AHCY: variants seen among roughly 807,000 people sequenced by gnomAD.
AHCY encodes the protein adenosylhomocysteinase.
A neutral mutation model predicts 45.4 loss-of-function variants in AHCY; 24 were observed. The observed-to-expected ratio is 0.53, with a 90% CI of 0.38 to 0.74. AHCY has a LOEUF of 0.74. AHCY is among the 30% of genes least tolerant of loss of function. The pLI, the probability that AHCY is intolerant of heterozygous loss-of-function variation, is 0.00. For missense variants in AHCY, 449 were observed against 594.1 expected (o/e 0.76, Z 2.54); for synonymous variants, 245 against 235.1 (o/e 1.04, Z -0.39).
At chr20:34,301,693 C>A in intron 1 of AHCY, 1 of 584,642 alleles carries the variant, frequency 1.7e-6, no homozygotes, top group Non-Finnish European at 2.2e-6. Flanking sequence ...TCCTGACCCA[C>A]TAATCTCTCC....
the AHCY span, among the ~76,000 whole-genome samples, chr20:34,242,680 G>A: frequency 0.015 from 2,314 of 152,356 alleles, 66 homozygotes; most frequent in African/African-American, 0.053. Flanking sequence ...TAGAACTAAT[G>A]CATACATATT....
chr20:34,290,883 C>T lies in AHCY; in HGVS notation c.614G>A (p.Arg205Gln), dbSNP rs780182879. The change falls in exon 6 of 10, where the codon CGG becomes CAG. Residue 205 changes from arginine to glutamine, a missense_variant. Transcript: ENST00000217426. The surrounding 1 kb of genome is among the most constrained non-coding windows in gnomAD (Gnocchi z 4.5). ...CRESLIDGIK[R>Q]ATDVMIAGKV... is the part of the protein sequence containing the mutation. Reference sequence around the variant, plus strand: ...GCCGGCAATCATCACATCTGTGGCCCGCTTGATGCCATCTATGAGGGACTC... The same window carrying T: ...GCCGGCAATCATCACATCTGTGGCCTGCTTGATGCCATCTATGAGGGACTC... The T allele has an allele frequency of 6.2e-7, 1 of 1,614,016 alleles. No homozygotes were observed. The highest frequency in any genetic ancestry group is 1.1e-5 in the South Asian group (1 of 91,076).
chr20:34,245,150 A>G, the AHCY span, among the ~76,000 whole-genome samples: 3 of 151,844 alleles, frequency 2.0e-5, no homozygotes, highest in East Asian at 3.9e-4. Flanking sequence ...CCTGGCAAAC[A>G]TGATGAAACC....
At chr20:34,251,855 T>C in the AHCY span, among the ~76,000 whole-genome samples, 10 of 152,042 alleles carry the variant, frequency 6.6e-5, no homozygotes, top group Admixed American at 6.5e-4. Context: ...TATGAAGAAA[T>C]AGGCCCTCAC....
At position 34,290,470 on chromosome 20, in the gene AHCY, G is replaced by A. The variant is rs200446112; in HGVS notation, c.855-21C>T. ...AGTGCCTGTCAGGCAGCCCAAGACC[G>A]TGGGAGATTGTCAGGGACAGAAAGC... On this transcript the variant is annotated intron_variant, in intron 7 of 9. Transcript: ENST00000217426. This position sits in a 1 kb window ranked among gnomAD's most constrained non-coding sequence, Gnocchi z 4.5. 125 of 1,613,594 alleles carry A rather than the reference G, an allele frequency of 7.7e-5. No homozygotes were observed. The Middle Eastern group carries it at 9.9e-4, about 13-fold the overall frequency.
intron 8 of AHCY, chr20:34,286,327 T>C (rs1211762894): frequency 2.6e-5 from 4 of 153,902 alleles, no homozygotes; most frequent in African/African-American, 4.8e-5. Flanking sequence ...TCAGTACTGC[T>C]GTCATCCCCA....
chr20:34,297,569 T>A (rs562094590), intron 1 of AHCY, among the ~76,000 whole-genome samples: 5 of 152,188 alleles, frequency 3.3e-5, no homozygotes, highest in Admixed American at 1.3e-4. Context: ...GTGCTGGGAT[T>A]ACAGGTGTGA....
chr20:34,302,926 G>A (rs2036829351), intron 1 of AHCY: 1 of 985,356 alleles, frequency 1.0e-6, no homozygotes, highest in Non-Finnish European at 1.2e-6. Flanking sequence ...GCAGGGTCCG[G>A]CAGGTGCCAG....
the AHCY span, among the ~76,000 whole-genome samples, chr20:34,247,342 C>T: frequency 6.7e-6 from 1 of 150,202 alleles, no homozygotes; most frequent in African/African-American, 2.5e-5. Flanking sequence ...CTTCTGTTGC[C>T]CAGGCTGGAG....
the AHCY span, among the ~76,000 whole-genome samples, chr20:34,271,329 A>G: frequency 6.6e-6 from 1 of 152,340 alleles, no homozygotes; most frequent in South Asian, 2.1e-4. Flanking sequence ...TCTAATGACC[A>G]GAACTGAAAC....
At chr20:34,235,704 A>G in the AHCY span, among the ~76,000 whole-genome samples, 1 of 149,730 alleles carries the variant, frequency 6.7e-6, no homozygotes, top group Non-Finnish European at 1.5e-5. Flanking sequence ...GGATTGCTAG[A>G]GCCCAGGAAG....
chr20:34,241,683 T>C, the AHCY span, among the ~76,000 whole-genome samples: 1 of 152,252 alleles, frequency 6.6e-6, no homozygotes, highest in African/African-American at 2.4e-5. Context: ...AACTAGTGGC[T>C]TCTTTCTCTT....
the AHCY span, among the ~76,000 whole-genome samples, chr20:34,266,776 G>A: frequency 2.6e-5 from 4 of 152,170 alleles, no homozygotes; most frequent in Non-Finnish European, 1.5e-5. Flanking sequence ...GAAAAAGATT[G>A]AAAAAAGAAT....
At chr20:34,258,346 C>CTTT in the AHCY span, among the ~76,000 whole-genome samples, 28 of 138,456 alleles carry the variant, frequency 2.0e-4, no homozygotes, top group East Asian at 6.3e-4. Context: ...GTTGGATATT[C>CTTT]TTTTTTTTTT....
At chr20:34,299,368 C>T (rs1000390386) in intron 1 of AHCY, among the ~76,000 whole-genome samples, 1 of 152,178 alleles carries the variant, frequency 6.6e-6, no homozygotes, top group Non-Finnish European at 1.5e-5. Context: ...ATGACTTGCC[C>T]TCCTTCCTGA....
downstream of AHCY, among the ~76,000 whole-genome samples, chr20:34,279,834 C>T (rs1302327395): frequency 6.6e-6 from 1 of 151,948 alleles, no homozygotes; most frequent in Non-Finnish European, 1.5e-5. Context: ...TTTAAAAATA[C>T]TGCAAACAGC....
the AHCY span, chr20:34,246,238 GC>G: frequency 3.3e-6 from 5 of 1,521,678 alleles, no homozygotes; most frequent in Non-Finnish European, 4.4e-6. Context: ...GTTTTATTTG[GC>G]CTCTTCCACC....
At chr20:34,291,213 G>A (rs962830124) in intron 5 of AHCY, among the ~76,000 whole-genome samples, 1 of 152,208 alleles carries the variant, frequency 6.6e-6, no homozygotes, top group African/African-American at 2.4e-5. Flanking sequence ...TAACTTGAAA[G>A]CTCTTCTTCC....
intron 2 of AHCY, 127 bp downstream of exon 2, chr20:34,295,268 G>A: frequency 8.8e-7 from 1 of 1,139,604 alleles, no homozygotes; most frequent in Non-Finnish European, 1.3e-6. Context: ...GAGTGAGAGG[G>A]AGGAACCCCT....
Sources: gnomAD v4.1 joint callset for allele counts (sites outside exome capture counted in the v4.1 genomes callset) on GRCh38, gnomAD v4.1.1 for gene constraint, Gnocchi (gnomAD v3.1) non-coding constraint, MANE v1.5 for transcripts, NCBI Gene and HGNC (gene_info 2026-07-23, HGNC 2026-07-21) for gene names.